DIS3L2: variants seen among roughly 807,000 people sequenced by gnomAD.
The protein encoded by DIS3L2 is DIS3-like exonuclease 2.
DIS3L2 carries 34 observed loss-of-function variants against 97.5 expected under a neutral mutation model. That is an observed-to-expected ratio of 0.35 (90% CI 0.27 to 0.46). The LOEUF (loss-of-function observed/expected upper bound fraction) is 0.46. Ranked by LOEUF, DIS3L2 falls within the 20% of genes least tolerant of loss-of-function variation. The pLI is 1.00. For synonymous variants in DIS3L2, 435 were observed against 445.2 expected (o/e 0.98, Z 0.29); for missense variants, 1,038 against 1,146.0 (o/e 0.91, Z 1.36).
intron 14 of DIS3L2, among the ~76,000 whole-genome samples, chr2:232,319,623 A>T (rs1559210614): frequency 6.6e-6 from 1 of 152,180 alleles, no homozygotes; most frequent in Non-Finnish European, 1.5e-5. Flanking sequence ...GGAGGCCTGA[A>T]GGCTGCCTGG....
intron 13 of DIS3L2, among the ~76,000 whole-genome samples, chr2:232,273,838 G>T (rs1326797704): frequency 6.6e-6 from 1 of 152,198 alleles, no homozygotes; most frequent in Non-Finnish European, 1.5e-5. Flanking sequence ...ACTTCAGAAG[G>T]TTCTCTAGGG....
intron 6 of DIS3L2, among the ~76,000 whole-genome samples, chr2:232,113,659 G>A (rs1697611305): frequency 6.6e-6 from 1 of 152,220 alleles, no homozygotes; most frequent in Admixed American, 6.5e-5. Flanking sequence ...CTGAGTCAGT[G>A]AAAGAGAGCT....
intron 1 of DIS3L2, among the ~76,000 whole-genome samples, chr2:231,994,540 T>C (rs1349328314): frequency 6.6e-6 from 1 of 152,128 alleles, no homozygotes; most frequent in Non-Finnish European, 1.5e-5. Flanking sequence ...CATAGGAAGC[T>C]TACCACGATT....
chr2:232,270,498 T>C (rs1693959169), intron 13 of DIS3L2, among the ~76,000 whole-genome samples: 1 of 152,232 alleles, frequency 6.6e-6, no homozygotes, highest in African/African-American at 2.4e-5. Flanking sequence ...CATAATATTC[T>C]GTCATATGAA....
intron 10 of DIS3L2, 45 bp from the exon 11 acceptor site, chr2:232,238,488 G>A (rs1692993975): frequency 1.3e-6 from 2 of 1,525,616 alleles, no homozygotes; most frequent in Non-Finnish European, 1.8e-6. Flanking sequence ...AGAGAATGCT[G>A]TGGCCTTCCA....
Position 231,979,541 on chromosome 2 carries a change from GTTAT to G in DIS3L2, c.-94+17792_-94+17795del, listed in dbSNP as rs772286082. Among the ~76,000 whole-genome samples, 125 of 151,960 alleles carry G rather than the reference GTTAT, an allele frequency of 8.2e-4. 1 individual carries two copies. Among genetic ancestry groups the G allele is most frequent in the South Asian group, 1.9e-3 (9 of 4,810 alleles). On this transcript the variant is annotated intron_variant, in intron 1 of 20. Transcript: ENST00000325385. ...CAAGGCCACTGTGCCAGGCCTGAAG[GTTAT>G]TTATTTATTTATTTAGGGACGGAGT...
intron 12 of DIS3L2, among the ~76,000 whole-genome samples, chr2:232,258,681 G>A (rs986908213): frequency 4.0e-5 from 6 of 151,278 alleles, no homozygotes; most frequent in Admixed American, 1.3e-4. Context: ...TCTCCCTGCT[G>A]TTTCTACTTT....
At chr2:232,084,363 T>G (rs1275943080) in intron 5 of DIS3L2, among the ~76,000 whole-genome samples, 1 of 152,180 alleles carries the variant, frequency 6.6e-6, no homozygotes, top group African/African-American at 2.4e-5. Context: ...TTTTGGAATA[T>G]TTACATTATA....
intron 13 of DIS3L2, among the ~76,000 whole-genome samples, chr2:232,282,090 C>T (rs1300859667): frequency 6.6e-6 from 1 of 150,836 alleles, no homozygotes; most frequent in African/African-American, 2.4e-5. Flanking sequence ...CTTGCACCCT[C>T]CCTCCTCACC....
chr2:232,096,279 G>A (rs1174207146), intron 6 of DIS3L2, among the ~76,000 whole-genome samples: 1 of 151,500 alleles, frequency 6.6e-6, no homozygotes, highest in Non-Finnish European at 1.5e-5. Context: ...ATAGAGACAG[G>A]GTTTCACCGT....
chr2:232,147,923 T>TTTCTC lies in DIS3L2; in HGVS notation c.950+11213_950+11217dup, dbSNP rs1340888580. Reference sequence around the variant, plus strand: ...CTAAGTAGACAGGATAGGATTCTCTTTTCTCTTCTCTTCCCTTCCCTTCCC... The same window carrying TTTCTC: ...CTAAGTAGACAGGATAGGATTCTCTTTTCTCTTCTCTTCTCTTCCCTTCCCTTCCC... On this transcript the variant is annotated intron_variant, in intron 8 of 20. Transcript: ENST00000325385. Among the ~76,000 whole-genome samples, 52 of 151,032 alleles carry TTTCTC rather than the reference T, an allele frequency of 3.4e-4. 1 individual carries two copies. Among genetic ancestry groups the TTTCTC allele is most frequent in the African/African-American group, 1.2e-3 (50 of 41,154 alleles).
At chr2:232,006,164 G>A (rs1694048203) in intron 1 of DIS3L2, among the ~76,000 whole-genome samples, 1 of 152,190 alleles carries the variant, frequency 6.6e-6, no homozygotes. Flanking sequence ...TCCAGCTTGG[G>A]CGACAGAGCG....
At chr2:231,973,703 A>G (rs532329029) in intron 1 of DIS3L2, among the ~76,000 whole-genome samples, 3 of 152,294 alleles carry the variant, frequency 2.0e-5, no homozygotes, top group Admixed American at 1.3e-4. Flanking sequence ...AAAGCTTTAA[A>G]TCATTGGTGA....
intron 12 of DIS3L2, among the ~76,000 whole-genome samples, chr2:232,259,437 G>C (rs1445657553): frequency 6.6e-6 from 1 of 152,156 alleles, no homozygotes. Flanking sequence ...AGGATTCCAA[G>C]TGGCTCCTGG....
At chr2:232,137,383 A>T (rs1229332530) in intron 8 of DIS3L2, among the ~76,000 whole-genome samples, 2 of 152,230 alleles carry the variant, frequency 1.3e-5, no homozygotes, top group Non-Finnish European at 2.9e-5. Flanking sequence ...TGGTATTCAT[A>T]TTGAAAGAAA....
chr2:232,228,969 T>C (rs976359161), intron 10 of DIS3L2, among the ~76,000 whole-genome samples: 10 of 152,342 alleles, frequency 6.6e-5, no homozygotes, highest in Admixed American at 4.6e-4. Context: ...CTGAAAACAT[T>C]ACAAAAGTGT....
chr2:232,237,835 C>A (rs928843156), intron 10 of DIS3L2, among the ~76,000 whole-genome samples: 5 of 152,032 alleles, frequency 3.3e-5, no homozygotes, highest in Admixed American at 2.6e-4. Flanking sequence ...TTAAGACTAT[C>A]CCAAGCATAG....
intron 9 of DIS3L2, among the ~76,000 whole-genome samples, chr2:232,166,614 G>C (rs1220844677): frequency 6.6e-6 from 1 of 152,042 alleles, no homozygotes; most frequent in East Asian, 1.9e-4. Flanking sequence ...TACTTAGGAG[G>C]CTGAGGCAGG....
In DIS3L2 at chr2:232,336,704, G is replaced by A; in HGVS notation, c.*74G>A. 1 of 1,525,398 alleles carries A rather than the reference G, an allele frequency of 6.6e-7. No homozygotes were observed. Among genetic ancestry groups the A allele is most frequent in the Non-Finnish European group, 8.7e-7 (1 of 1,147,604 alleles). 94.5% of individuals were successfully genotyped at this position (1,525,398 alleles called of 1,614,324 possible). On this transcript the variant is annotated 3_prime_UTR_variant, in exon 21 of 21. Coordinates refer to ENST00000325385, the MANE Select transcript of DIS3L2 (RefSeq NM_152383.5). ...ACTGGCTTTAGGACCTGTTGACACG[G>A]AGGGGGGTTTTTAATTTGGTTTTTA...
Sources: gnomAD v4.1 joint callset for allele counts (sites outside exome capture counted in the v4.1 genomes callset) on GRCh38, gnomAD v4.1.1 for gene constraint, MANE v1.5 for transcripts, NCBI Gene and HGNC (gene_info 2026-07-23, HGNC 2026-07-21) for gene names.